The following WDR20 variants were observed in gnomAD, a reference collection of about 807,000 sequenced individuals.
WDR20 encodes the protein WD repeat-containing protein 20.
Under a neutral mutation model 38.7 loss-of-function variants are expected in WDR20, and 3 were observed. The observed-to-expected ratio is 0.08, with a 90% CI of 0.04 to 0.20. The LOEUF (loss-of-function observed/expected upper bound fraction) is 0.20, where lower values mean the gene tolerates loss of function less well. Ranked by LOEUF, WDR20 falls within the 10% of genes least tolerant of loss-of-function variation. The pLI, the probability that WDR20 is intolerant of heterozygous loss-of-function variation, is 1.00. For missense variants in WDR20, 559 were observed against 727.7 expected (o/e 0.77, Z 2.67); for synonymous variants, 298 against 285.6 (o/e 1.04, Z -0.44).
intron 1 of WDR20, among the ~76,000 whole-genome samples, chr14:102,193,013 T>G (rs1305110355): frequency 6.6e-6 from 1 of 151,844 alleles, no homozygotes; most frequent in African/African-American, 2.4e-5. Context: ...AAAAAAAAAG[T>G]CTCAAGAGTT....
chr14:102,159,487 G>T (rs2058178546), intron 1 of WDR20, among the ~76,000 whole-genome samples: 1 of 152,160 alleles, frequency 6.6e-6, no homozygotes, highest in African/African-American at 2.4e-5. Flanking sequence ...ACACACTAAA[G>T]TTGAAGAGGC....
At chr14:102,169,936 C>G (rs903982388) in intron 1 of WDR20, among the ~76,000 whole-genome samples, 2 of 152,138 alleles carry the variant, frequency 1.3e-5, no homozygotes, top group African/African-American at 4.8e-5. Context: ...GTTCAAAATT[C>G]AAAGAGCATG....
Position 102,208,528 on chromosome 14 carries a change from A to T in WDR20, c.433-75A>T, listed in dbSNP as rs193151937. ...CTTGCCCCTTCCCATCGAGAAGCACACAAGTTTTCTTGCTGGAAAAGTAGA... is the reference window on the plus strand; with the variant it reads ...CTTGCCCCTTCCCATCGAGAAGCACTCAAGTTTTCTTGCTGGAAAAGTAGA... On this transcript the variant is annotated intron_variant, in intron 2 of 2. Transcript: ENST00000342702. This position sits in a 1 kb window ranked among gnomAD's most constrained non-coding sequence, Gnocchi z 5.6. The T allele has an allele frequency of 6.6e-7, 1 of 1,513,816 alleles. No homozygotes were observed. Among genetic ancestry groups the T allele is most frequent in the Admixed American group, 2.2e-5 (1 of 46,428 alleles). The allele number at this position is 1,513,816 out of a possible 1,614,324, so 93.8% of individuals were successfully genotyped here.
Position 102,170,392 on chromosome 14 carries a change from A to G in WDR20, c.250-24546A>G, listed in dbSNP as rs1255786734. 2.6e-5 allele frequency among the ~76,000 whole-genome samples: 4 copies of G among 152,224 alleles called. 1 individual carries two copies. Among genetic ancestry groups the G allele is most frequent in the Non-Finnish European group, 5.9e-5 (4 of 68,034 alleles). On this transcript the variant is annotated intron_variant, in intron 1 of 2. Coordinates refer to ENST00000342702, the MANE Select transcript of WDR20 (RefSeq NM_144574.4). Reference sequence around the variant, plus strand: ...AAAGGATATGTGCATTTGTAATTTTAGAGACATAGTCAAATCGCCTTCTAA... The same window carrying G: ...AAAGGATATGTGCATTTGTAATTTTGGAGACATAGTCAAATCGCCTTCTAA...
At chr14:102,156,393 C>T (rs573858218) in intron 1 of WDR20, among the ~76,000 whole-genome samples, 7 of 152,030 alleles carry the variant, frequency 4.6e-5, no homozygotes, top group African/African-American at 1.4e-4. Flanking sequence ...TGGTCTCGAT[C>T]TCCTGACCTC....
chr14:102,176,551 G>T (rs749709461), intron 1 of WDR20, among the ~76,000 whole-genome samples: 6 of 152,010 alleles, frequency 3.9e-5, no homozygotes, highest in Non-Finnish European at 8.8e-5. Flanking sequence ...GCAAAAATTC[G>T]TGCCCGGCTG....
Position 102,207,720 on chromosome 14 carries a change from C to G in WDR20, c.433-883C>G, listed in dbSNP as rs1387552522. Among the ~76,000 whole-genome samples, 1 of 152,192 alleles carries G rather than the reference C, an allele frequency of 6.6e-6. No homozygotes were observed. Among genetic ancestry groups the G allele is most frequent in the East Asian group, 1.9e-4 (1 of 5,198 alleles). On this transcript the variant is annotated intron_variant, in intron 2 of 2. Transcript: ENST00000342702. This position sits in a 1 kb window ranked among gnomAD's most constrained non-coding sequence, Gnocchi z 5.0. ...CTGTGGAAGGTGTTGCGCTGGCATC[C>G]CCATCACAGGATTGATTGGCAAGCA... is the stretch of plus-strand genomic sequence containing the variant.
intron 1 of WDR20, among the ~76,000 whole-genome samples, chr14:102,163,627 CAAAAAAAA>C (rs58628061): frequency 1.1e-3 from 72 of 62,828 alleles, no homozygotes; most frequent in African/African-American, 5.1e-3. Context: ...GACTCTGTCT[CAAAAAAAA>C]AAAAAAAAAA....
intron 2 of WDR20, 103 bp downstream of exon 2, chr14:102,195,223 T>G: frequency 7.6e-7 from 1 of 1,317,152 alleles, no homozygotes; most frequent in Non-Finnish European, 1.0e-6. Context: ...AAGCCCATTT[T>G]TTATTCGCCC....
chr14:102,178,579 C>A (rs1304818526), intron 1 of WDR20, among the ~76,000 whole-genome samples: 1 of 151,870 alleles, frequency 6.6e-6, no homozygotes. Context: ...ATTCTGGGCC[C>A]CTGCACTTGA....
downstream of WDR20, chr14:102,213,092 G>A: frequency 1.0e-6 from 1 of 986,840 alleles, no homozygotes; most frequent in Non-Finnish European, 1.2e-6. Context: ...AGGGCCAGGG[G>A]AGCTTCAACT....
At chr14:102,190,486 A>C (rs1307537031) in intron 1 of WDR20, among the ~76,000 whole-genome samples, 1 of 151,956 alleles carries the variant, frequency 6.6e-6, no homozygotes, top group African/African-American at 2.4e-5. Flanking sequence ...CCAGCTACTC[A>C]GGAGGCCACG....
At chr14:102,200,457 ATTTTTTT>A (rs746438768) in intron 2 of WDR20, among the ~76,000 whole-genome samples, 20 of 110,980 alleles carry the variant, frequency 1.8e-4, no homozygotes, top group Admixed American at 2.6e-4. Flanking sequence ...TACTTTTTAA[ATTTTTTT>A]TTTTGTGTGT....
Position 102,208,886 on chromosome 14 carries a change from G to C in WDR20, c.716G>C (p.Ser239Thr), listed in dbSNP as rs1345478595. 1.9e-6 allele frequency: 3 copies of C among 1,614,250 alleles called. No individual in the cohort carries two copies. The Admixed American group carries it at 5.0e-5, about 27-fold the overall frequency. The change falls in exon 3 of 3, where the codon AGC (serine) becomes ACC (threonine). Residue 239 changes from serine to threonine, a missense_variant. Ser to Thr is a moderately conservative substitution (Grantham distance 58). Coordinates refer to ENST00000342702, the MANE Select transcript of WDR20 (RefSeq NM_144574.4). The surrounding 1 kb of genome is among the most constrained non-coding windows in gnomAD (Gnocchi z 5.6). ...GATGGCAAGTTCTTAGCGTGCGTGA[G>C]CCAGGACGGGTTTCTGCGGGTGTTC... Reference protein sequence around the residue: ...SPDGKFLACVSQDGFLRVFNF... With the variant: ...SPDGKFLACVTQDGFLRVFNF...
At chr14:102,139,501 G>A, upstream of WDR20, 1 of 1,313,060 alleles carries the variant, frequency 7.6e-7, no homozygotes, top group Non-Finnish European at 1.0e-6. Flanking sequence ...GCGCCCCTCA[G>A]GGCAGGGCGG....
chr14:102,140,823 C>T (rs2050765467), intron 1 of WDR20, among the ~76,000 whole-genome samples: 1 of 152,202 alleles, frequency 6.6e-6, no homozygotes, highest in South Asian at 2.1e-4. Context: ...TAAGGAGAGT[C>T]ATCTTGTCCC....
Position 102,195,060 on chromosome 14 carries a change from A to G in WDR20, c.372A>G (p.Ala124=). 3.1e-6 allele frequency: 5 copies of G among 1,614,256 alleles called. No homozygotes were observed. The highest frequency in any genetic ancestry group is 4.2e-6 in the Non-Finnish European group (5 of 1,180,040). The change falls in exon 2 of 3, where the codon GCA becomes GCG. Residue 124 remains alanine, a synonymous_variant. Transcript: ENST00000342702. ...ESVSLLVGFS[A]GQVQLIDPIK... ...TCTCTCTCCTAGTGGGCTTTTCCGCAGGCCAAGTCCAGCTTATAGACCCAA... is the reference window on the plus strand; with the variant it reads ...TCTCTCTCCTAGTGGGCTTTTCCGCGGGCCAAGTCCAGCTTATAGACCCAA...
At chr14:102,206,423 T>G (rs2061550441) in intron 2 of WDR20, among the ~76,000 whole-genome samples, 1 of 152,262 alleles carries the variant, frequency 6.6e-6, no homozygotes, top group Admixed American at 6.5e-5. Flanking sequence ...TTGATCATAC[T>G]AGTTTTTGAG....
rs2063751598 is a variant in WDR20, at chr14:102,220,428, A to C, written c.1693-2402A>C. ...AATATTATATGAAACATCTTCAGTT[A>C]AAATATTAAAATTGGCCAGGTGCGG... On this transcript the variant is annotated intron_variant, in intron 3 of 3. Coordinates refer to the WDR20 transcript ENST00000335263. This position sits in a 1 kb window ranked among gnomAD's most constrained non-coding sequence, Gnocchi z 4.2. Among the ~76,000 whole-genome samples the C allele has an allele frequency of 6.6e-6, 1 of 152,246 alleles. No individual in the cohort carries two copies. The highest frequency in any genetic ancestry group is 1.5e-5 in the Non-Finnish European group (1 of 68,052).
Sources: allele counts gnomAD v4.1 joint callset (sites outside exome capture counted in the v4.1 genomes callset), GRCh38; gene constraint gnomAD v4.1.1; non-coding constraint Gnocchi (gnomAD v3.1); transcripts MANE v1.5; gene names NCBI Gene and HGNC (gene_info 2026-07-23, HGNC 2026-07-21).